LGALSL: variants seen among roughly 807,000 people sequenced by gnomAD.
The protein encoded by LGALSL is galectin-related protein.
A neutral mutation model predicts 19.5 loss-of-function variants in LGALSL; 13 were observed. That is an observed-to-expected ratio of 0.67 (90% CI 0.43 to 1.06). The LOEUF (loss-of-function observed/expected upper bound fraction) is 1.06. Among genes scored for constraint, LGALSL ranks in the 50% least tolerant of loss-of-function variants. The pLI, the probability that LGALSL is intolerant of heterozygous loss-of-function variation, is 0.00. For synonymous variants in LGALSL, 86 were observed against 78.3 expected (o/e 1.10, Z -0.52); for missense variants, 189 against 219.3 (o/e 0.86, Z 0.87).
chr2:64,458,831 A>T lies in LGALSL; in HGVS notation c.*403A>T, dbSNP rs2103710595. 2 of 158,852 alleles carry T rather than the reference A, an allele frequency of 1.3e-5. 1 individual carries two copies. Among genetic ancestry groups the T allele is most frequent in the South Asian group, 4.1e-4 (2 of 4,932 alleles). The allele number at this position is 158,852 out of a possible 1,614,324, so 9.8% of individuals were successfully genotyped here. A position where few individuals can be genotyped will look rare whatever the true frequency, so the allele number is the denominator to read the frequency against. On this transcript the variant is annotated 3_prime_UTR_variant, in exon 5 of 5. Coordinates refer to ENST00000238875, the MANE Select transcript of LGALSL (RefSeq NM_014181.3). ...AATTGTGTAGCACAACCAATATTTT[A>T]GTCAGGGTATTTACATAGAATGTAG...
Position 64,454,950 on chromosome 2 carries a change from C to T in LGALSL, c.36+369C>T, listed in dbSNP as rs759534822. ...GGATTCCCCCTTGGAAATGGGTCGG[C>T]GCCCGGGGCTCCCGAGAGAAGTTGA... On this transcript the variant is annotated intron_variant, in intron 1 of 4. Coordinates refer to ENST00000238875, the MANE Select transcript of LGALSL (RefSeq NM_014181.3). This position sits in a 1 kb window ranked among gnomAD's most constrained non-coding sequence, Gnocchi z 5.1. Among the ~76,000 whole-genome samples, 3 of 152,206 alleles carry T rather than the reference C, an allele frequency of 2.0e-5. No homozygotes were observed. Among genetic ancestry groups the T allele is most frequent in the Non-Finnish European group, 4.4e-5 (3 of 68,030 alleles).
chr2:64,455,450 T>TTCC, intron 2 of LGALSL, 35 bp downstream of exon 2: 3 of 1,552,232 alleles, frequency 1.9e-6, no homozygotes, highest in Non-Finnish European at 2.7e-6. Flanking sequence ...TGCCTGTACC[T>TTCC]TCCTCCTTTC....
In LGALSL at chr2:64,454,604, G is replaced by T; in HGVS notation, c.36+23G>T. The T allele has an allele frequency of 7.2e-7, 1 of 1,389,858 alleles. No individual in the cohort carries two copies. The highest frequency in any genetic ancestry group is 9.4e-7 in the Non-Finnish European group (1 of 1,065,210). The allele number at this position is 1,389,858 out of a possible 1,614,324, so 86.1% of individuals were successfully genotyped here. ...GTGGTGAGTGTGGCAGGGCGCGCGCGAGGCGCCCCTCCCCGCCGTCCCGCA... is the reference window on the plus strand; with the variant it reads ...GTGGTGAGTGTGGCAGGGCGCGCGCTAGGCGCCCCTCCCCGCCGTCCCGCA... On this transcript the variant is annotated intron_variant, in intron 1 of 4. Coordinates refer to ENST00000238875, the MANE Select transcript of LGALSL (RefSeq NM_014181.3). The surrounding 1 kb of genome is among the most constrained non-coding windows in gnomAD (Gnocchi z 5.1).
Position 64,455,348 on chromosome 2 carries a change from T to C in LGALSL, c.41T>C (p.Leu14Pro), listed in dbSNP as rs1484281162. 4.3e-6 allele frequency: 7 copies of C among 1,611,644 alleles called. No individual in the cohort carries two copies. Among genetic ancestry groups the C allele is most frequent in the Non-Finnish European group, 4.2e-6 (5 of 1,177,738 alleles). ...SVADSDAVVK[L>P]DDGHLNNSLS... is the part of the protein sequence containing the mutation. Reference sequence around the variant, plus strand: ...TCTGTGTACTTCTATTTTTAGAAACTAGATGATGGCCATTTAAACAACTCT... The same window carrying C: ...TCTGTGTACTTCTATTTTTAGAAACCAGATGATGGCCATTTAAACAACTCT... Residue 14 changes from leucine (L) to proline (P), a missense_variant, in exon 2 of 5, where the codon CTA becomes CCA. Around this residue, in one of 3 missense-constraint regions of LGALSL, gnomAD observed 62 missense variants for 49.0 expected, o/e 1.27. Transcript: ENST00000238875.
intron 4 of LGALSL, 149 bp downstream of exon 4, chr2:64,456,614 G>T: frequency 1.6e-6 from 1 of 608,658 alleles, no homozygotes; most frequent in African/African-American, 1.9e-5. Context: ...GATCAAAAGA[G>T]CTCTGTTTGC....
At chr2:64,455,887 T>C (rs561708271) in intron 3 of LGALSL, among the ~76,000 whole-genome samples, 2 of 151,894 alleles carry the variant, frequency 1.3e-5, no homozygotes, top group East Asian at 1.9e-4. Flanking sequence ...ATTATAAATA[T>C]AGGCCCACAT....
intron 3 of LGALSL, 136 bp from the exon 4 acceptor site, chr2:64,456,152 A>G (rs1237627136): frequency 2.9e-6 from 2 of 679,722 alleles, no homozygotes; most frequent in Non-Finnish European, 4.9e-6. Context: ...CTTCTCCATA[A>G]TCTAACCTCT....
chr2:64,456,251 A>G lies in LGALSL; in HGVS notation c.198-37A>G, dbSNP rs773109232. The G allele has an allele frequency of 5.0e-6, 8 of 1,585,470 alleles. 1 individual carries two copies. Among genetic ancestry groups the G allele is most frequent in the South Asian group, 3.4e-5 (3 of 87,944 alleles). Reference sequence around the variant, plus strand: ...TTGGGTCATTTTGAAATGTTTTTATATCCAACCCTTAATCAGTGGGATGAT... The same window carrying G: ...TTGGGTCATTTTGAAATGTTTTTATGTCCAACCCTTAATCAGTGGGATGAT... On this transcript the variant is annotated intron_variant, in intron 3 of 4. Coordinates refer to ENST00000238875, the MANE Select transcript of LGALSL (RefSeq NM_014181.3).
At position 64,460,231 on chromosome 2, in the gene LGALSL, T is replaced by G. The variant is rs1339026363; in HGVS notation, c.*1803T>G. The G allele has an allele frequency of 6.6e-6, 1 of 152,250 alleles. No individual in the cohort carries two copies. Among genetic ancestry groups the G allele is most frequent in the East Asian group, 1.9e-4 (1 of 5,200 alleles). The allele number at this position is 152,250 out of a possible 1,614,324, so 9.4% of individuals were successfully genotyped here. On this transcript the variant is annotated 3_prime_UTR_variant, in exon 5 of 5. Coordinates refer to ENST00000238875, the MANE Select transcript of LGALSL (RefSeq NM_014181.3). ...AGACACTGTATCCAACAAGACTGGC[T>G]GTACATTGAAAAGCTTTATGTACCA...
chr2:64,456,350 T>G lies in LGALSL; in HGVS notation c.260T>G (p.Leu87Arg). The change falls in exon 4 of 5, where the codon CTC (leucine) becomes CGC (arginine). Residue 87 changes from leucine (L) to arginine (R), a missense_variant. Around this residue, in one of 3 missense-constraint regions of LGALSL, gnomAD observed 106 missense variants for 119.3 expected, o/e 0.89. Transcript: ENST00000238875. ...EDPPADVAIE[L>R]KAVFTDRQLL... ...CCTCCTGCCGATGTGGCAATCGAAC[T>G]CAAAGCTGTGTTCACAGATCGGCAG... The G allele has an allele frequency of 6.2e-7, 1 of 1,612,500 alleles. No homozygotes were observed. Among genetic ancestry groups the G allele is most frequent in the African/African-American group, 1.3e-5 (1 of 74,958 alleles).
Position 64,454,531 on chromosome 2 carries a change from G to C in LGALSL, c.-15G>C, listed in dbSNP as rs1452034645. 10 of 1,420,704 alleles carry C rather than the reference G, an allele frequency of 7.0e-6. No homozygotes were observed. The highest frequency in any genetic ancestry group is 2.8e-5 in the South Asian group (2 of 70,488). 88.0% of individuals were successfully genotyped at this position (1,420,704 alleles called of 1,614,324 possible). A position where few individuals can be genotyped will look rare whatever the true frequency, so the allele number is the denominator to read the frequency against. On this transcript the variant is annotated 5_prime_UTR_variant, in exon 1 of 5. Transcript: ENST00000238875. The surrounding 1 kb of genome is among the most constrained non-coding windows in gnomAD (Gnocchi z 5.1). ...CGCGCCGCGTCCCACGTACCCCGCC[G>C]CGCCGGGCAAGAAGATGGCGGGATC...
chr2:64,457,155 G>A (rs1051218360), intron 4 of LGALSL, among the ~76,000 whole-genome samples: 2 of 152,182 alleles, frequency 1.3e-5, no homozygotes, highest in East Asian at 1.9e-4. Flanking sequence ...TAGTGGCACA[G>A]TGGCTTGTGC....
chr2:64,459,854 A>C lies in LGALSL; in HGVS notation c.*1426A>C, dbSNP rs558254523. The C allele has an allele frequency of 6.6e-6, 1 of 152,294 alleles. No individual in the cohort carries two copies. Among genetic ancestry groups the C allele is most frequent in the South Asian group, 2.1e-4 (1 of 4,820 alleles). The allele number at this position is 152,294 out of a possible 1,614,324, so 9.4% of individuals were successfully genotyped here. On this transcript the variant is annotated 3_prime_UTR_variant, in exon 5 of 5. Coordinates refer to ENST00000238875, the MANE Select transcript of LGALSL (RefSeq NM_014181.3). ...CTGGGTTCTGGACTTTAAAAGCTACATTGGCCCTGGAGGGAGGGACCCTTG... is the reference window on the plus strand; with the variant it reads ...CTGGGTTCTGGACTTTAAAAGCTACCTTGGCCCTGGAGGGAGGGACCCTTG...
chr2:64,458,153 C>A, intron 4 of LGALSL, 132 bp from the exon 5 acceptor site: 1 of 799,068 alleles, frequency 1.3e-6, no homozygotes. Context: ...AACAAGCCCT[C>A]TGCAGGTCTC....
intron 1 of LGALSL, 134 bp from the exon 2 acceptor site, chr2:64,455,210 G>T (rs1686714006): frequency 2.8e-6 from 2 of 712,356 alleles, no homozygotes; most frequent in Non-Finnish European, 2.6e-6. Flanking sequence ...TCTAAGAGAC[G>T]GTGAAGAGGC....
At chr2:64,457,644 C>G (rs529732969) in intron 4 of LGALSL, among the ~76,000 whole-genome samples, 2 of 152,206 alleles carry the variant, frequency 1.3e-5, no homozygotes, top group Admixed American at 6.5e-5. Flanking sequence ...TCTTTCACTT[C>G]TCTTCTTACA....
intron 3 of LGALSL, 55 bp downstream of exon 3, chr2:64,455,732 C>A: frequency 7.5e-7 from 1 of 1,342,068 alleles, no homozygotes. Context: ...GAGCCCTGCC[C>A]ACTTCTGTTG....
At position 64,458,413 on chromosome 2, in the gene LGALSL, C is replaced by G; in HGVS notation, c.504C>G (p.Ile168Met). The G allele has an allele frequency of 6.2e-7, 1 of 1,613,244 alleles. No individual in the cohort carries two copies. Among genetic ancestry groups the G allele is most frequent in the Non-Finnish European group, 8.5e-7 (1 of 1,179,626 alleles). ...DTIKINGDLQ[I>M]TKLG ...TAAAGATAAATGGAGACCTCCAGAT[C>G]ACCAAGCTTGGCTGATTTAAACCAC... The change falls in exon 5 of 5, where the codon ATC (isoleucine) becomes ATG (methionine). Residue 168 changes from isoleucine to methionine, a missense_variant. Ile to Met is a conservative substitution (Grantham distance 10). Transcript: ENST00000238875.
chr2:64,455,766 C>T, intron 3 of LGALSL, 89 bp downstream of exon 3: 2 of 935,452 alleles, frequency 2.1e-6, no homozygotes, highest in South Asian at 1.3e-5. Flanking sequence ...CTCTTCCTCT[C>T]CTTGTGGACA....
Sources: gnomAD v4.1 joint callset for allele counts (sites outside exome capture counted in the v4.1 genomes callset) on GRCh38, gnomAD v4.1.1 for gene constraint, gnomAD v4.1.1 regional missense constraint, Gnocchi (gnomAD v3.1) non-coding constraint, MANE v1.5 for transcripts, NCBI Gene and HGNC (gene_info 2026-07-23, HGNC 2026-07-21) for gene names.